RNF144A: variants seen among roughly 807,000 people sequenced by gnomAD.
RNF144A encodes the protein E3 ubiquitin-protein ligase RNF144A.
In RNF144A, 11 loss-of-function variants were observed where a neutral mutation model predicts 38.7. That is an observed-to-expected ratio of 0.28 (90% CI 0.18 to 0.47). The LOEUF (loss-of-function observed/expected upper bound fraction) is 0.47. RNF144A is among the 20% of genes least tolerant of loss of function. RNF144A has a pLI of 0.99. For synonymous variants in RNF144A, 149 were observed against 143.9 expected (o/e 1.04, Z -0.25); for missense variants, 316 against 377.2 (o/e 0.84, Z 1.34).
chr2:7,055,560 C>G (rs1673711211), intron 6 of RNF144A, among the ~76,000 whole-genome samples: 1 of 152,134 alleles, frequency 6.6e-6, no homozygotes, highest in South Asian at 2.1e-4. Context: ...AAATACCTCC[C>G]CAGCATGTTT....
chr2:6,926,236 A>G (rs1355583420), intron 1 of RNF144A, among the ~76,000 whole-genome samples: 1 of 152,186 alleles, frequency 6.6e-6, no homozygotes, highest in Non-Finnish European at 1.5e-5. Context: ...TGTCAGCTGC[A>G]TCTGTCCGTT....
intron 2 of RNF144A, among the ~76,000 whole-genome samples, chr2:6,982,005 C>T (rs1668662406): frequency 6.6e-6 from 1 of 152,150 alleles, no homozygotes; most frequent in Non-Finnish European, 1.5e-5. Context: ...AGAGAGCGCA[C>T]AGGGGAAACT....
chr2:6,919,234 G>T (rs1401510487), intron 1 of RNF144A, among the ~76,000 whole-genome samples: 1 of 152,132 alleles, frequency 6.6e-6, no homozygotes, highest in Non-Finnish European at 1.5e-5. Flanking sequence ...AGAGAGAGCT[G>T]CTCCAGCGCA....
Position 7,041,760 on chromosome 2 carries a change from C to T in RNF144A, c.*2000C>T. 1 of 985,650 alleles carries T rather than the reference C, an allele frequency of 1.0e-6. No homozygotes were observed. Among genetic ancestry groups the T allele is most frequent in the South Asian group, 4.7e-5 (1 of 21,292 alleles). 61.1% of individuals were successfully genotyped at this position (985,650 alleles called of 1,614,324 possible). A position where few individuals can be genotyped will look rare whatever the true frequency, so the allele number is the denominator to read the frequency against. On this transcript the variant is annotated 3_prime_UTR_variant, in exon 9 of 9. Transcript: ENST00000320892. ...ACGCCTCCACCATATGCTCATCCTT[C>T]CTGCCTGAAATTGCTGCTGCCCATC...
At position 7,043,187 on chromosome 2, in the gene RNF144A, A is replaced by C; in HGVS notation, c.*3427A>C. 1.0e-6 allele frequency: 1 copy of C among 985,468 alleles called. No individual in the cohort carries two copies. The highest frequency in any genetic ancestry group is 1.2e-6 in the Non-Finnish European group (1 of 829,952). 61.0% of individuals were successfully genotyped at this position (985,468 alleles called of 1,614,324 possible). ...CCGGCCTATTTTCTTAAAGGGGAAC[A>C]AATGATCTTGACAACATATTATTCC... On this transcript the variant is annotated 3_prime_UTR_variant, in exon 9 of 9. Transcript: ENST00000320892.
chr2:7,069,222 C>A (rs938044339), downstream of RNF144A, among the ~76,000 whole-genome samples: 8 of 152,290 alleles, frequency 5.3e-5, no homozygotes, highest in African/African-American at 1.9e-4. Flanking sequence ...CCATTGCCTC[C>A]CACTGTCTCC....
At chr2:6,929,284 T>C (rs1225150345) in intron 1 of RNF144A, among the ~76,000 whole-genome samples, 2 of 152,310 alleles carry the variant, frequency 1.3e-5, no homozygotes, top group East Asian at 3.9e-4. Flanking sequence ...AGTTAAATAC[T>C]GCCCTCGCCA....
intron 1 of RNF144A, among the ~76,000 whole-genome samples, chr2:6,919,346 C>T (rs1429559021): frequency 6.6e-6 from 1 of 152,230 alleles, no homozygotes; most frequent in East Asian, 1.9e-4. Context: ...ATTCTCTTCT[C>T]CGGTACTGAG....
At chr2:7,071,310 C>T (rs925674110), downstream of RNF144A, among the ~76,000 whole-genome samples, 3 of 152,120 alleles carry the variant, frequency 2.0e-5, no homozygotes, top group African/African-American at 7.2e-5. Flanking sequence ...TAGGCAGAAA[C>T]GCAATGGGCA....
In RNF144A at chr2:6,959,750, G is replaced by A. The variant is rs529117957; in HGVS notation, c.-12+18603G>A. On this transcript the variant is annotated intron_variant, in intron 2 of 8. Coordinates refer to ENST00000320892, the MANE Select transcript of RNF144A (RefSeq NM_014746.6). ...TGAATGGATTAATCCGGTCATGAGG[G>A]CAGACGCCTTATGACCCAGTCATTT... Among the ~76,000 whole-genome samples the A allele has an allele frequency of 7.9e-5, 12 of 152,240 alleles. No homozygotes were observed. The South Asian group carries it at 2.5e-3, about 32-fold the overall frequency.
At chr2:6,948,023 A>G (rs1459179027) in intron 2 of RNF144A, among the ~76,000 whole-genome samples, 3 of 152,234 alleles carry the variant, frequency 2.0e-5, no homozygotes, top group African/African-American at 4.8e-5. Context: ...CTGCAGCCCA[A>G]TCTAGGTCCC....
chr2:7,021,354 AG>A (rs1671518309), intron 6 of RNF144A, among the ~76,000 whole-genome samples: 1 of 152,022 alleles, frequency 6.6e-6, no homozygotes, highest in African/African-American at 2.4e-5. Flanking sequence ...CACCCTCCCC[AG>A]GGTGTGCTCA....
chr2:7,005,495 A>G (rs1362603895), intron 3 of RNF144A, among the ~76,000 whole-genome samples: 1 of 152,114 alleles, frequency 6.6e-6, no homozygotes, highest in Non-Finnish European at 1.5e-5. Context: ...GGTGCAAAGG[A>G]TGAGTTCCAG....
intron 3 of RNF144A, among the ~76,000 whole-genome samples, chr2:7,002,679 A>G (rs1367263186): frequency 1.3e-5 from 2 of 152,184 alleles, no homozygotes; most frequent in East Asian, 3.8e-4. Context: ...GTGATCCCAT[A>G]AGATTACAGG....
intron 6 of RNF144A, among the ~76,000 whole-genome samples, chr2:7,054,260 C>T (rs550579155): frequency 7.9e-5 from 12 of 152,360 alleles, no homozygotes; most frequent in African/African-American, 2.4e-4. Context: ...CGCCTGCCTA[C>T]GGCCCCGCAA....
At chr2:6,969,303 T>C (rs956194119) in intron 2 of RNF144A, among the ~76,000 whole-genome samples, 12 of 152,146 alleles carry the variant, frequency 7.9e-5, no homozygotes, top group African/African-American at 2.4e-4. Flanking sequence ...AATTAGGTCA[T>C]TGAGGTAGGC....
At chr2:6,972,758 G>A (rs1003154794) in intron 2 of RNF144A, among the ~76,000 whole-genome samples, 14 of 152,308 alleles carry the variant, frequency 9.2e-5, no homozygotes, top group African/African-American at 2.4e-4. Context: ...CCTGAGCCAC[G>A]TCCAGGCCCA....
At chr2:6,949,409 T>G (rs1366125033) in intron 2 of RNF144A, among the ~76,000 whole-genome samples, 1 of 135,188 alleles carries the variant, frequency 7.4e-6, no homozygotes, top group African/African-American at 2.9e-5. Context: ...CCTTTCCTTC[T>G]TTTTTTTTTT....
At chr2:6,942,068 A>G (rs1445106176) in intron 2 of RNF144A, among the ~76,000 whole-genome samples, 1 of 152,268 alleles carries the variant, frequency 6.6e-6, no homozygotes, top group African/African-American at 2.4e-5. Flanking sequence ...TAAACTGTAG[A>G]AGGTGGAGGA....
Sources: gnomAD v4.1 joint callset for allele counts (sites outside exome capture counted in the v4.1 genomes callset) on GRCh38, gnomAD v4.1.1 for gene constraint, MANE v1.5 for transcripts, NCBI Gene and HGNC (gene_info 2026-07-23, HGNC 2026-07-21) for gene names.